The following STK3 variants were observed in gnomAD, a reference collection of about 807,000 sequenced individuals.
The protein encoded by STK3 is serine/threonine-protein kinase 3.
In STK3, 41 loss-of-function variants were observed where a neutral mutation model predicts 58.0. That is an observed-to-expected ratio of 0.71 (90% CI 0.55 to 0.92). STK3 has a LOEUF of 0.92. Among genes scored for constraint, STK3 ranks in the 40% least tolerant of loss-of-function variants. STK3 has a pLI of 0.00. For missense variants in STK3, 479 were observed against 602.7 expected (o/e 0.79, Z 2.15); for synonymous variants, 170 against 191.0 (o/e 0.89, Z 0.91).
intron 1 of STK3, among the ~76,000 whole-genome samples, chr8:98,902,403 C>A (rs1346506446): frequency 7.9e-5 from 12 of 152,154 alleles, no homozygotes; most frequent in Admixed American, 7.9e-4. Flanking sequence ...CTTAACACCC[C>A]AATACACATT....
At chr8:98,655,815 T>C (rs1473499275) in intron 6 of STK3, among the ~76,000 whole-genome samples, 1 of 152,052 alleles carries the variant, frequency 6.6e-6, no homozygotes, top group Non-Finnish European at 1.5e-5. Flanking sequence ...AGAATGGCGA[T>C]CATTAAAAAG....
intron 6 of STK3, 110 bp from the exon 7 acceptor site, chr8:98,596,279 T>C: frequency 7.6e-7 from 1 of 1,316,930 alleles, no homozygotes; most frequent in Non-Finnish European, 1.0e-6. Flanking sequence ...AAAACAAATT[T>C]AAGCTGTTCT....
At chr8:98,598,301 A>G (rs922685637) in intron 6 of STK3, 21 of 985,278 alleles carry the variant, frequency 2.1e-5, no homozygotes, top group Admixed American at 6.2e-5. Context: ...TAGAAACCCA[A>G]GGATAAAAAG....
chr8:98,895,141 T>A (rs1298163205), intron 1 of STK3, among the ~76,000 whole-genome samples: 1 of 152,086 alleles, frequency 6.6e-6, no homozygotes, highest in Non-Finnish European at 1.5e-5. Flanking sequence ...ATCTGCTCCC[T>A]GTGCCAGGTA....
At chr8:98,541,983 C>T (rs1810311074) in intron 9 of STK3, among the ~76,000 whole-genome samples, 1 of 152,136 alleles carries the variant, frequency 6.6e-6, no homozygotes, top group South Asian at 2.1e-4. Flanking sequence ...TAGTGTCAAC[C>T]CTGTGTCTAT....
intron 6 of STK3, among the ~76,000 whole-genome samples, chr8:98,677,313 C>A (rs962376244): frequency 6.6e-6 from 1 of 151,764 alleles, no homozygotes; most frequent in Non-Finnish European, 1.5e-5. Context: ...GACTCTCAAA[C>A]CTTCAAATCT....
chr8:98,375,264 A>AC (rs892960834), intron 2 of STK3, among the ~76,000 whole-genome samples: 4 of 139,988 alleles, frequency 2.9e-5, no homozygotes, highest in African/African-American at 5.5e-5. Flanking sequence ...CCAAAACAAA[A>AC]AAAAAACAAA....
At chr8:98,511,894 G>A (rs1824542995) in intron 10 of STK3, among the ~76,000 whole-genome samples, 1 of 152,018 alleles carries the variant, frequency 6.6e-6, no homozygotes, top group African/African-American at 2.4e-5. Flanking sequence ...TGTTGCCAGT[G>A]ATACTGTTTT....
chr8:98,804,241 AT>A (rs1833767239), intron 1 of STK3, among the ~76,000 whole-genome samples: 1 of 152,144 alleles, frequency 6.6e-6, no homozygotes, highest in South Asian at 2.1e-4. Flanking sequence ...GCCTCAAGTG[AT>A]CCGCCCACCT....
downstream of STK3, chr8:98,881,804 A>T (rs1381053590): frequency 1.3e-5 from 2 of 152,218 alleles, no homozygotes; most frequent in Admixed American, 6.5e-5. Flanking sequence ...AAAAAAATCC[A>T]GAAGCTAGCA....
chr8:98,741,562 A>G (rs1289786220), intron 4 of STK3, among the ~76,000 whole-genome samples: 1 of 152,218 alleles, frequency 6.6e-6, no homozygotes, highest in African/African-American at 2.4e-5. Context: ...ACAAAGACAC[A>G]ACATACCAGA....
intron 10 of STK3, among the ~76,000 whole-genome samples, chr8:98,521,586 A>C (rs1825365272): frequency 6.6e-6 from 1 of 152,104 alleles, no homozygotes; most frequent in South Asian, 2.1e-4. Flanking sequence ...TAAAACCTTC[A>C]GTGGCTTTCC....
In STK3 at chr8:98,602,877, A is replaced by G. The variant is rs556900067; in HGVS notation, c.685-6708T>C. Among the ~76,000 whole-genome samples, 116 of 18,868 alleles carry G rather than the reference A, an allele frequency of 6.1e-3. 1 individual carries two copies. The African/African-American group carries it at 0.13, about 21-fold the overall frequency. 12.4% of individuals were successfully genotyped at this position (18,868 alleles called of 152,430 possible). On this transcript the variant is annotated intron_variant, in intron 6 of 10. Coordinates refer to ENST00000419617, the MANE Select transcript of STK3 (RefSeq NM_006281.4). ...GCACATCAATTCCCTCCAAATAACT[A>G]AAAAAAAAAAAAAAGCCTAAGAACT...
At position 98,714,610 on chromosome 8, in the gene STK3, C is replaced by T. The variant is rs1826839549; in HGVS notation, c.352-7299G>A. Among the ~76,000 whole-genome samples, 3 of 152,106 alleles carry T rather than the reference C, an allele frequency of 2.0e-5. No individual in the cohort carries two copies. The South Asian group carries it at 6.2e-4, about 32-fold the overall frequency. The stretch of plus-strand genomic sequence containing the variant: ...GGACCTCTTTAAGGAGAACTATAAA[C>T]CACTGCTCAATGAAATAAAAGAGGA... On this transcript the variant is annotated intron_variant, in intron 4 of 10. Transcript: ENST00000419617.
chr8:98,620,968 C>T (rs990018445), intron 6 of STK3, among the ~76,000 whole-genome samples: 11 of 132,686 alleles, frequency 8.3e-5, no homozygotes, highest in African/African-American at 2.0e-4. Flanking sequence ...CTCGCTCTGT[C>T]GCCCAGGCTG....
intron 3 of STK3, among the ~76,000 whole-genome samples, chr8:98,412,586 C>G (rs1456683037): frequency 5.9e-5 from 9 of 152,186 alleles, no homozygotes. Flanking sequence ...GTGAATGAGT[C>G]CAACTGTCCT....
At chr8:98,541,299 T>G (rs974157553) in intron 9 of STK3, among the ~76,000 whole-genome samples, 11 of 152,102 alleles carry the variant, frequency 7.2e-5, no homozygotes, top group African/African-American at 2.7e-4. Flanking sequence ...TTTAGCACCA[T>G]CCCCCTAGTG....
downstream of STK3, among the ~76,000 whole-genome samples, chr8:98,370,342 A>AGT (rs35062643): frequency 0.18 from 25,424 of 138,252 alleles, 2,282 homozygotes; most frequent in East Asian, 0.3. Context: ...TGACCTCTGC[A>AGT]GTGTGTGTGT....
At chr8:98,581,452 A>C (rs1319902912) in intron 7 of STK3, among the ~76,000 whole-genome samples, 1 of 152,056 alleles carries the variant, frequency 6.6e-6, no homozygotes, top group Non-Finnish European at 1.5e-5. Context: ...TGTGGAGATG[A>C]ATGCCTTAGC....
Sources: gnomAD v4.1 joint callset for allele counts (sites outside exome capture counted in the v4.1 genomes callset) on GRCh38, gnomAD v4.1.1 for gene constraint, MANE v1.5 for transcripts, NCBI Gene and HGNC (gene_info 2026-07-23, HGNC 2026-07-21) for gene names.